Variants in RORB observed in about 807,000 individuals in gnomAD.
RORB encodes nuclear receptor ROR-beta.
A neutral mutation model predicts 59.1 loss-of-function variants in RORB; 6 were observed. The observed-to-expected ratio is 0.10, with a 90% CI of 0.06 to 0.20. RORB has a LOEUF of 0.20. Ranked by LOEUF, RORB falls within the 10% of genes least tolerant of loss-of-function variation. RORB has a pLI of 1.00. For synonymous variants in RORB, 215 were observed against 204.5 expected (o/e 1.05, Z -0.44); for missense variants, 320 against 560.5 (o/e 0.57, Z 4.33).
chr9:74,667,600 A>G (rs1321337323), intron 7 of RORB, among the ~76,000 whole-genome samples, 191 bp from the exon 8 acceptor site: 1 of 152,194 alleles, frequency 6.6e-6, no homozygotes, highest in Non-Finnish European at 1.5e-5. Flanking sequence ...TGCCTGGCCA[A>G]GATGTTGCCC....
At chr9:74,537,711 T>C (rs10869416) in intron 1 of RORB, among the ~76,000 whole-genome samples, 39,559 of 151,870 alleles carry the variant, frequency 0.26, 5,891 homozygotes, top group East Asian at 0.74. Context: ...AAGATGTATG[T>C]TAACTAATGA....
chr9:74,585,368 T>C (rs548563733), intron 1 of RORB, among the ~76,000 whole-genome samples: 1 of 152,302 alleles, frequency 6.6e-6, no homozygotes, highest in Non-Finnish European at 1.5e-5. Context: ...CAAAAGCAAA[T>C]GGAGTTCTCC....
At chr9:74,514,853 A>G (rs766086037) in intron 1 of RORB, among the ~76,000 whole-genome samples, 43 of 151,562 alleles carry the variant, frequency 2.8e-4, no homozygotes, top group Non-Finnish European at 5.6e-4. Context: ...TTTTGTATAT[A>G]ATTCAATACA....
chr9:74,529,620 A>G (rs1447951930), intron 1 of RORB, among the ~76,000 whole-genome samples: 6 of 151,790 alleles, frequency 4.0e-5, no homozygotes, highest in Non-Finnish European at 7.4e-5. Flanking sequence ...TATAAATAGT[A>G]TGTTTGAAAG....
At chr9:74,522,410 C>G (rs1343208110) in intron 1 of RORB, among the ~76,000 whole-genome samples, 2 of 151,760 alleles carry the variant, frequency 1.3e-5, no homozygotes. Flanking sequence ...TTCACCTTCT[C>G]TCCAGGAACA....
At chr9:74,580,887 A>G (rs1330895992) in intron 1 of RORB, among the ~76,000 whole-genome samples, 2 of 152,212 alleles carry the variant, frequency 1.3e-5, no homozygotes, top group Non-Finnish European at 2.9e-5. Context: ...TAGAAAGTCC[A>G]CAAATAAATA....
chr9:74,549,890 G>T (rs957410751), intron 1 of RORB, among the ~76,000 whole-genome samples: 1 of 151,882 alleles, frequency 6.6e-6, no homozygotes, highest in Non-Finnish European at 1.5e-5. Context: ...CACTACGCCC[G>T]GCTAATCTTT....
At chr9:74,524,904 T>G (rs78888600) in intron 1 of RORB, among the ~76,000 whole-genome samples, 5,257 of 151,936 alleles carry the variant, frequency 0.035, 148 homozygotes, top group Non-Finnish European at 0.05. Context: ...TATTTCAATA[T>G]TCTAATAATC....
chr9:74,526,005 G>C (rs936520401), intron 1 of RORB, among the ~76,000 whole-genome samples: 2 of 151,986 alleles, frequency 1.3e-5, no homozygotes, highest in East Asian at 3.9e-4. Context: ...TGTTTGTGCC[G>C]ATGAATCTAA....
At chr9:74,665,258 A>G (rs1244395068) in intron 6 of RORB, among the ~76,000 whole-genome samples, 1 of 152,102 alleles carries the variant, frequency 6.6e-6, no homozygotes, top group Non-Finnish European at 1.5e-5. Context: ...GTTTTTGCCA[A>G]TACTTTCAAT....
chr9:74,540,667 A>G (rs1281448202), intron 1 of RORB, among the ~76,000 whole-genome samples: 2 of 151,876 alleles, frequency 1.3e-5, no homozygotes, highest in Non-Finnish European at 2.9e-5. Flanking sequence ...TTTAAGCTGC[A>G]TAGTATTACA....
At chr9:74,678,140 C>T (rs559300706) in intron 9 of RORB, among the ~76,000 whole-genome samples, 2 of 152,192 alleles carry the variant, frequency 1.3e-5, no homozygotes, top group Admixed American at 6.5e-5. Flanking sequence ...AAACTATACT[C>T]TCATTAGTTG....
intron 1 of RORB, among the ~76,000 whole-genome samples, chr9:74,522,376 G>A (rs921769623): frequency 6.6e-6 from 1 of 151,638 alleles, no homozygotes; most frequent in Non-Finnish European, 1.5e-5. Flanking sequence ...AATCTTACAA[G>A]CATTAGAAAA....
chr9:74,602,905 G>A (rs2118327737), intron 1 of RORB, among the ~76,000 whole-genome samples: 1 of 152,234 alleles, frequency 6.6e-6, no homozygotes, highest in East Asian at 1.9e-4. Context: ...TGTTTATAAT[G>A]CTCTCCCAAA....
chr9:74,507,031 C>G (rs1180607826), intron 1 of RORB, among the ~76,000 whole-genome samples: 2 of 152,054 alleles, frequency 1.3e-5, no homozygotes, highest in African/African-American at 2.4e-5. Flanking sequence ...GATTAAACAG[C>G]TATTTAATAA....
intron 1 of RORB, among the ~76,000 whole-genome samples, chr9:74,626,574 G>A (rs1823520966): frequency 1.3e-5 from 2 of 152,118 alleles, no homozygotes; most frequent in Admixed American, 1.3e-4. Flanking sequence ...TACTATTGTT[G>A]AATAAATCCA....
At chr9:74,656,605 A>G (rs1340994763) in intron 4 of RORB, among the ~76,000 whole-genome samples, 2 of 152,098 alleles carry the variant, frequency 1.3e-5, no homozygotes, top group Non-Finnish European at 2.9e-5. Flanking sequence ...GTGTGGTGGT[A>G]CCCACTTGTA....
chr9:74,593,185 G>A (rs1361246354), intron 1 of RORB, among the ~76,000 whole-genome samples: 3 of 152,110 alleles, frequency 2.0e-5, no homozygotes, highest in African/African-American at 7.2e-5. Context: ...AAGAGGAAGA[G>A]GCCGGGCGCG....
chr9:74,668,140 T>C (rs530883499), intron 8 of RORB, among the ~76,000 whole-genome samples: 6 of 152,326 alleles, frequency 3.9e-5, no homozygotes, highest in Non-Finnish European at 8.8e-5. Flanking sequence ...CAGATTCAGA[T>C]ACGCAGAATC....
Sources: gnomAD v4.1 joint callset for allele counts (sites outside exome capture counted in the v4.1 genomes callset) on GRCh38, gnomAD v4.1.1 for gene constraint, MANE v1.5 for transcripts, NCBI Gene and HGNC (gene_info 2026-07-23, HGNC 2026-07-21) for gene names.